Variants in SPO11 observed in about 807,000 individuals in gnomAD.
SPO11 encodes meiotic recombination protein SPO11.
Under a neutral mutation model 51.6 loss-of-function variants are expected in SPO11, and 49 were observed. The ratio of observed to expected loss-of-function variants is 0.95; its 90% CI spans 0.75 to 1.20. The LOEUF (loss-of-function observed/expected upper bound fraction) is 1.20. Ranked by LOEUF, SPO11 falls within the 50% of genes most tolerant of loss-of-function variation. The pLI, the probability that SPO11 is intolerant of heterozygous loss-of-function variation, is 0.00. For missense variants in SPO11, 431 were observed against 473.4 expected, an observed-to-expected ratio of 0.91 and a Z score of 0.83; for synonymous variants, 176 against 158.2, an observed-to-expected ratio of 1.11 and a Z score of -0.84.
rs35213336 is a variant in SPO11 at position 57,333,738 on chromosome 20, C to G, written c.386C>G (p.Thr129Ser). 28 of 1,485,986 alleles carry G rather than the reference C, an allele frequency of 1.9e-5. No individual in the cohort carries two copies. Among genetic ancestry groups the G allele is most frequent in the Middle Eastern group, 1.7e-4 (1 of 5,832 alleles). The allele number at this position is 1,485,986 out of a possible 1,614,324, so 92.1% of individuals were successfully genotyped here. Residue 129 changes from threonine to serine, a missense_variant, in exon 4 of 13, where the codon ACT (threonine) becomes AGT (serine). Transcript: ENST00000371263. ...ATTTATAAATTAGTACAGAGCAACA[C>G]TTATGCAACCAAAAGGTAAATATAT... Reference protein sequence around the residue: ...SMIYKLVQSNTYATKRDIYYT... With the variant: ...SMIYKLVQSNSYATKRDIYYT...
chr20:57,338,414 C>A, intron 9 of SPO11, 39 bp downstream of exon 9: 7 of 1,311,158 alleles, frequency 5.3e-6, no homozygotes, highest in South Asian at 1.3e-5. Context: ...ATAGTCATAA[C>A]TAAATCATAT....
At chr20:57,333,631 T>G in intron 3 of SPO11, 56 bp from the exon 4 acceptor site, 1 of 955,264 alleles carries the variant, frequency 1.0e-6, no homozygotes, top group Non-Finnish European at 1.7e-6. Context: ...TAGCAGTATC[T>G]TTTGAATCAG....
At chr20:57,331,769 T>C (rs907573358) in intron 1 of SPO11, 64 bp from the exon 2 acceptor site, 2 of 850,774 alleles carry the variant, frequency 2.4e-6, no homozygotes, top group African/African-American at 3.5e-5. Context: ...TCTGGGAAAA[T>C]CTTACATATT....
intron 9 of SPO11, 107 bp downstream of exon 9, chr20:57,338,482 C>G: frequency 3.7e-6 from 3 of 815,696 alleles, no homozygotes; most frequent in Non-Finnish European, 3.8e-6. Context: ...GAGTCCTGCT[C>G]TGTCACCCAG....
chr20:57,334,766 G>T lies in SPO11; in HGVS notation c.527G>T (p.Gly176Val). ...TTTTTGCAGTTATCTACATCAAAAG[G>T]TTTAATTGCTGGCAACTTAAGATAC... ...RSLHILSTSKGLIAGNLRYIE... is the reference protein window; with the variant it reads ...RSLHILSTSKVLIAGNLRYIE... The change falls in exon 6 of 13, where the codon GGT becomes GTT. Residue 176 changes from glycine to valine, a missense_variant. Physicochemically the swap from Gly to Val is moderately radical, Grantham distance 109. Coordinates refer to ENST00000371263, the MANE Select transcript of SPO11 (RefSeq NM_012444.3). 6.2e-7 allele frequency: 1 copy of T among 1,613,602 alleles called. No homozygotes were observed. Among genetic ancestry groups the T allele is most frequent in the Non-Finnish European group, 8.5e-7 (1 of 1,179,736 alleles).
At chr20:57,343,274 A>T in intron 12 of SPO11, 67 bp from the exon 13 acceptor site, 1 of 1,557,852 alleles carries the variant, frequency 6.4e-7, no homozygotes, top group Non-Finnish European at 8.7e-7. Context: ...CTAGATTACT[A>T]GTTTGTTGAA....
At chr20:57,336,031 T>G (rs565559807) in intron 8 of SPO11, 124 bp downstream of exon 8, 1 of 600,040 alleles carries the variant, frequency 1.7e-6, no homozygotes, top group South Asian at 2.3e-5. Context: ...TTTGGGATCA[T>G]AGAACGGGAA....
At chr20:57,343,202 C>A in intron 12 of SPO11, 139 bp from the exon 13 acceptor site, 1 of 909,316 alleles carries the variant, frequency 1.1e-6, no homozygotes, top group Non-Finnish European at 1.7e-6. Flanking sequence ...GCTGTAGCAG[C>A]TCTGGAATAT....
At chr20:57,334,696 A>G in intron 5 of SPO11, 54 bp from the exon 6 acceptor site, 1 of 1,425,200 alleles carries the variant, frequency 7.0e-7, no homozygotes, top group Non-Finnish European at 9.8e-7. Flanking sequence ...GTGACTTAAT[A>G]GCATAAAACA....
At position 57,340,202 on chromosome 20, in the gene SPO11, G is replaced by A. The variant is rs767472660; in HGVS notation, c.959+24G>A. On this transcript the variant is annotated intron_variant, in intron 11 of 12. Coordinates refer to ENST00000371263, the MANE Select transcript of SPO11 (RefSeq NM_012444.3). ...AGGTTAGATAGTATAGCAGAACTAG[G>A]ATATTTAAAATGACAGTTCATTATC... The A allele has an allele frequency of 1.5e-5, 22 of 1,472,798 alleles. No homozygotes were observed. In the Middle Eastern group the frequency reaches 1.7e-3, roughly 116 times the overall value. 91.2% of individuals were successfully genotyped at this position (1,472,798 alleles called of 1,614,324 possible).
At chr20:57,331,717 A>T in intron 1 of SPO11, 116 bp from the exon 2 acceptor site, 1 of 504,084 alleles carries the variant, frequency 2.0e-6, no homozygotes, top group Non-Finnish European at 3.5e-6. Context: ...CCAATTACCT[A>T]GTCTTAAAAA....
chr20:57,337,440 C>G (rs2066525901), intron 8 of SPO11, among the ~76,000 whole-genome samples: 1 of 152,170 alleles, frequency 6.6e-6, no homozygotes. Context: ...GTTACTCATT[C>G]AAGTTCATGC....
chr20:57,334,781 A>C lies in SPO11; in HGVS notation c.542A>C (p.Asn181Thr). 1 of 1,613,886 alleles carries C rather than the reference A, an allele frequency of 6.2e-7. No homozygotes were observed. ...LSTSKGLIAG[N>T]LRYIEEDGTK... ...ACATCAAAAGGTTTAATTGCTGGCA[A>C]CTTAAGATACATCGAGGAAGATGGC... The change falls in exon 6 of 13, where the codon AAC (asparagine) becomes ACC (threonine). Residue 181 changes from asparagine to threonine, a missense_variant. Coordinates refer to ENST00000371263, the MANE Select transcript of SPO11 (RefSeq NM_012444.3).
Position 57,339,029 on chromosome 20 carries a change from A to G in SPO11, c.882+3A>G. 1 of 1,455,738 alleles carries G rather than the reference A, an allele frequency of 6.9e-7. No individual in the cohort carries two copies. Among genetic ancestry groups the G allele is most frequent in the South Asian group, 1.3e-5 (1 of 78,772 alleles). The allele number at this position is 1,455,738 out of a possible 1,614,324, so 90.2% of individuals were successfully genotyped here. Reference sequence around the variant, plus strand: ...GCATCTATAAGTATGGATCTATGGTAAGTATAGAAAAGCAGTTTTCCTTTT... The same window carrying G: ...GCATCTATAAGTATGGATCTATGGTGAGTATAGAAAAGCAGTTTTCCTTTT... On this transcript the variant is annotated splice_donor_region_variant and intron_variant, in intron 10 of 12. Transcript: ENST00000371263.
In SPO11 at chr20:57,340,178, G is replaced by A; in HGVS notation, c.959G>A (p.Arg320Lys). Residue 320 changes from arginine to lysine, a missense_variant and splice_region_variant, in exon 11 of 13, where the codon AGA (arginine) becomes AAA (lysine). This residue lies in a region of SPO11 where 405 missense variants were observed against 425.9 expected (regional missense o/e 0.95). Transcript: ENST00000371263. ...GGTCTTCTCCCTTCTGATCTTAAAA[G>A]GTTAGATAGTATAGCAGAACTAGGA... Reference protein sequence around the residue: ...WLGLLPSDLKRLNVPKDSLIP... With the variant: ...WLGLLPSDLKKLNVPKDSLIP... 1 of 1,590,174 alleles carries A rather than the reference G, an allele frequency of 6.3e-7. No individual in the cohort carries two copies. Among genetic ancestry groups the A allele is most frequent in the Non-Finnish European group, 8.6e-7 (1 of 1,158,382 alleles).
At chr20:57,335,969 G>A in intron 8 of SPO11, 62 bp downstream of exon 8, 1 of 934,930 alleles carries the variant, frequency 1.1e-6, no homozygotes, top group Non-Finnish European at 1.7e-6. Context: ...TGATTGGTAA[G>A]AGGATTTACA....
intron 11 of SPO11, among the ~76,000 whole-genome samples, chr20:57,341,560 A>G (rs1387010983): frequency 6.6e-6 from 1 of 152,210 alleles, no homozygotes; most frequent in African/African-American, 2.4e-5. Flanking sequence ...GCAATCCTTG[A>G]TAACAGTTGC....
Position 57,343,464 on chromosome 20 carries a change from T to C in SPO11, c.*4T>C. ...AAAATTTGGAGGATGGATATAAAAA[T>C]AAATCAGAAGAACTTCTGATTGCCA... On this transcript the variant is annotated 3_prime_UTR_variant, in exon 13 of 13. Coordinates refer to ENST00000371263, the MANE Select transcript of SPO11 (RefSeq NM_012444.3). The C allele has an allele frequency of 6.3e-7, 1 of 1,588,934 alleles. No individual in the cohort carries two copies. Among genetic ancestry groups the C allele is most frequent in the South Asian group, 1.2e-5 (1 of 84,986 alleles).
At chr20:57,338,097 G>A (rs920167143) in intron 8 of SPO11, among the ~76,000 whole-genome samples, 179 bp from the exon 9 acceptor site, 2 of 152,100 alleles carry the variant, frequency 1.3e-5, no homozygotes, top group Non-Finnish European at 2.9e-5. Context: ...ACGTTGGCCA[G>A]ACTGGTCTCA....
Sources: gnomAD v4.1 joint callset for allele counts (sites outside exome capture counted in the v4.1 genomes callset) on GRCh38, gnomAD v4.1.1 for gene constraint, gnomAD v4.1.1 regional missense constraint, MANE v1.5 for transcripts, NCBI Gene and HGNC (gene_info 2026-07-23, HGNC 2026-07-21) for gene names.